The following GAS7 variants were observed in gnomAD, a reference collection of about 807,000 sequenced individuals.
The protein encoded by GAS7 is growth arrest-specific protein 7.
Under a neutral mutation model 71.1 loss-of-function variants are expected in GAS7, and 28 were observed. The ratio of observed to expected loss-of-function variants is 0.39; its 90% CI spans 0.29 to 0.54. The LOEUF is 0.54. GAS7 is among the 20% of genes least tolerant of loss of function. The probability of loss-of-function intolerance (pLI) is 0.62; values close to 1 mark genes in which losing one functional copy is unlikely to be tolerated. For missense variants in GAS7, 436 were observed against 627.8 expected (o/e 0.69, Z 3.27); for synonymous variants, 258 against 245.8 (o/e 1.05, Z -0.46).
Position 9,981,746 on chromosome 17 carries a change from C to A in GAS7, c.385+58G>T. 1.0e-6 allele frequency: 1 copy of A among 954,368 alleles called. No individual in the cohort carries two copies. The highest frequency in any genetic ancestry group is 1.6e-5 in the African/African-American group (1 of 62,664). 59.1% of individuals were successfully genotyped at this position (954,368 alleles called of 1,614,324 possible). A position where few individuals can be genotyped will look rare whatever the true frequency, so the allele number is the denominator to read the frequency against. On this transcript the variant is annotated intron_variant, in intron 3 of 13. Coordinates refer to ENST00000432992, the MANE Select transcript of GAS7 (RefSeq NM_201433.2). The surrounding 1 kb of genome is among the most constrained non-coding windows in gnomAD (Gnocchi z 4.4). The stretch of plus-strand genomic sequence containing the variant: ...CCCAGGACCCATCATCTCAGCCTCT[C>A]CACTGAATGTGGCATCAGGGCCCTC...
At chr17:10,073,689 C>A in intron 1 of GAS7, among the ~76,000 whole-genome samples, 1 of 152,194 alleles carries the variant, frequency 6.6e-6, no homozygotes, top group East Asian at 1.9e-4. Context: ...TTTACCAGTG[C>A]ACAAGGGAAT....
chr17:10,058,416 C>T (rs1015957206), intron 1 of GAS7, among the ~76,000 whole-genome samples: 1 of 151,314 alleles, frequency 6.6e-6, no homozygotes, highest in African/African-American at 2.4e-5. Context: ...CACGCCACTG[C>T]ACTCCAGCCT....
At chr17:10,133,415 G>A (rs1016607413) in intron 1 of GAS7, among the ~76,000 whole-genome samples, 13 of 151,812 alleles carry the variant, frequency 8.6e-5, no homozygotes, top group East Asian at 3.9e-4. Context: ...GAGCCACTGC[G>A]CCTCGCCAGA....
At chr17:9,945,968 AGAGT>A (rs1204029026) in intron 6 of GAS7, among the ~76,000 whole-genome samples, 1 of 152,166 alleles carries the variant, frequency 6.6e-6, no homozygotes, top group East Asian at 1.9e-4. Flanking sequence ...TGGGTGAGAC[AGAGT>A]GAGACTCTGT....
intron 1 of GAS7, among the ~76,000 whole-genome samples, chr17:10,081,620 C>T (rs1047224983): frequency 6.6e-6 from 1 of 152,186 alleles, no homozygotes; most frequent in South Asian, 2.1e-4. Flanking sequence ...GCAGAGAATG[C>T]ACAGGAAACC....
chr17:10,145,662 G>C (rs550017393), intron 1 of GAS7, among the ~76,000 whole-genome samples: 11 of 152,332 alleles, frequency 7.2e-5, no homozygotes, highest in African/African-American at 2.4e-4. Flanking sequence ...TTCTGCCAGG[G>C]ATACAACCAC....
At chr17:10,161,786 C>T (rs1597828048) in intron 1 of GAS7, among the ~76,000 whole-genome samples, 1 of 151,954 alleles carries the variant, frequency 6.6e-6, no homozygotes, top group Non-Finnish European at 1.5e-5. Flanking sequence ...CTTCCCAGGC[C>T]GGGTGCGGTG....
chr17:9,911,080 G>C lies in GAS7; in HGVS notation c.*6148C>G, dbSNP rs14383. On this transcript the variant is annotated 3_prime_UTR_variant, in exon 14 of 14. Coordinates refer to ENST00000432992, the MANE Select transcript of GAS7 (RefSeq NM_201433.2). This position sits in a 1 kb window ranked among gnomAD's most constrained non-coding sequence, Gnocchi z 4.0. ...CATCTCCTTCCTAACGGAAGGGAAG[G>C]GATGCTAAGTTGGGGCCCCTGTCAC... 22,750 of 233,054 alleles carry C rather than the reference G, an allele frequency of 0.098. 1,640 individuals are homozygous for C. The highest frequency in any genetic ancestry group is 0.23 in the African/African-American group (10,244 of 45,332). 14.4% of individuals were successfully genotyped at this position (233,054 alleles called of 1,614,324 possible).
intron 9 of GAS7, among the ~76,000 whole-genome samples, chr17:9,933,735 C>T (rs1165265247): frequency 6.6e-6 from 1 of 152,112 alleles, no homozygotes; most frequent in African/African-American, 2.4e-5. Context: ...GTCCCAGCTA[C>T]TTGGGAGGCT....
chr17:10,100,656 C>A (rs954535975), intron 1 of GAS7, among the ~76,000 whole-genome samples: 7 of 152,194 alleles, frequency 4.6e-5, no homozygotes, highest in African/African-American at 1.2e-4. Flanking sequence ...CCAACCCCCC[C>A]ATCCAGGCTC....
intron 1 of GAS7, among the ~76,000 whole-genome samples, chr17:10,139,443 C>A (rs1299520867): frequency 6.6e-6 from 1 of 152,170 alleles, no homozygotes; most frequent in Non-Finnish European, 1.5e-5. Context: ...TATCCCAGGT[C>A]CAGGAGCAAA....
At position 10,007,392 on chromosome 17, in the gene GAS7, A is replaced by G. The variant is rs1390676361; in HGVS notation, c.304+12385T>C. The stretch of plus-strand genomic sequence containing the variant: ...GTATTCCCAGCACTTTGAGAGGGTG[A>G]GGCTGGTGGATCACCTGAGGTCAGG... On this transcript the variant is annotated intron_variant, in intron 2 of 13. Coordinates refer to ENST00000432992, the MANE Select transcript of GAS7 (RefSeq NM_201433.2). Among the ~76,000 whole-genome samples the G allele has an allele frequency of 2.0e-5, 3 of 152,104 alleles. No individual in the cohort carries two copies. The East Asian group carries it at 5.8e-4, about 29-fold the overall frequency.
chr17:10,029,826 TG>T (rs2072566416), intron 1 of GAS7, among the ~76,000 whole-genome samples: 1 of 151,786 alleles, frequency 6.6e-6, no homozygotes, highest in African/African-American at 2.4e-5. Flanking sequence ...CACTCCAGCC[TG>T]GGTGACAGAG....
rs75177754 is a variant in GAS7, at chr17:10,108,863, C to T, written c.184-88966G>A. On this transcript the variant is annotated intron_variant, in intron 1 of 13. Transcript: ENST00000432992. The stretch of plus-strand genomic sequence containing the variant: ...TGGATTAAAGACTTAAACTAAGGCT[C>T]GAAACTATAAAACTACTAGAAAGAA... 3.7e-3 allele frequency among the ~76,000 whole-genome samples: 557 copies of T among 152,208 alleles called. 1 individual carries two copies. Among genetic ancestry groups the T allele is most frequent in the African/African-American group, 0.013 (525 of 41,526 alleles).
At position 9,919,771 on chromosome 17, in the gene GAS7, T is replaced by C; in HGVS notation, c.1139-66A>G. On this transcript the variant is annotated intron_variant, in intron 11 of 13. Coordinates refer to ENST00000432992, the MANE Select transcript of GAS7 (RefSeq NM_201433.2). This position sits in a 1 kb window ranked among gnomAD's most constrained non-coding sequence, Gnocchi z 5.0. ...CTCACCATGACTCTGTGCCCCACCCTGAGCCCCACAGCCAAGCCTTCTCCT... is the reference window on the plus strand; with the variant it reads ...CTCACCATGACTCTGTGCCCCACCCCGAGCCCCACAGCCAAGCCTTCTCCT... 5 of 1,199,000 alleles carry C rather than the reference T, an allele frequency of 4.2e-6. No individual in the cohort carries two copies. The South Asian group carries it at 6.0e-5, about 14-fold the overall frequency. The allele number at this position is 1,199,000 out of a possible 1,614,324, so 74.3% of individuals were successfully genotyped here.
intron 1 of GAS7, among the ~76,000 whole-genome samples, chr17:10,188,975 A>T (rs1248671247): frequency 6.6e-6 from 1 of 152,146 alleles, no homozygotes; most frequent in Non-Finnish European, 1.5e-5. Context: ...TGTCTATCCA[A>T]GTTCCTTGCC....
At chr17:9,950,286 T>C (rs1230443590) in intron 5 of GAS7, among the ~76,000 whole-genome samples, 2 of 151,968 alleles carry the variant, frequency 1.3e-5, no homozygotes, top group East Asian at 3.9e-4. Flanking sequence ...GGCGGGCAGA[T>C]CACTTGAGCT....
intron 1 of GAS7, among the ~76,000 whole-genome samples, chr17:10,077,340 GA>G (rs1364068997): frequency 2.0e-5 from 3 of 152,050 alleles, no homozygotes; most frequent in African/African-American, 7.2e-5. Context: ...CCACAAAGAA[GA>G]AAAAAGTAAG....
Position 10,019,882 on chromosome 17 carries a change from G to A in GAS7, c.199C>T (p.Pro67Ser), listed in dbSNP as rs2072194687. 1.2e-6 allele frequency: 2 copies of A among 1,613,722 alleles called. No homozygotes were observed. Residue 67 changes from proline to serine, a missense_variant, in exon 2 of 14, where the codon CCC (proline) becomes TCC (serine). Transcript: ENST00000432992. ...VQLLEKPGMV[P>S]PPPGEESQTV... Reference sequence around the variant, plus strand: ...TGGCTTTCTTCTCCCGGCGGAGGGGGGACCATTCCAGGCTTCTGTTGGAGA... The same window carrying A: ...TGGCTTTCTTCTCCCGGCGGAGGGGAGACCATTCCAGGCTTCTGTTGGAGA...
Sources: gnomAD v4.1 joint callset for allele counts (sites outside exome capture counted in the v4.1 genomes callset) on GRCh38, gnomAD v4.1.1 for gene constraint, Gnocchi (gnomAD v3.1) non-coding constraint, MANE v1.5 for transcripts, NCBI Gene and HGNC (gene_info 2026-07-23, HGNC 2026-07-21) for gene names.